LRP1B: variants seen among roughly 807,000 people sequenced by gnomAD.
LRP1B encodes low-density lipoprotein receptor-related protein 1B.
Under a neutral mutation model 556.6 loss-of-function variants are expected in LRP1B, and 217 were observed. The observed-to-expected ratio is 0.39, with a 90% CI of 0.35 to 0.44. The LOEUF is 0.44. Ranked by LOEUF, LRP1B falls within the 20% of genes least tolerant of loss-of-function variation. The pLI is 1.00. For synonymous variants in LRP1B, 2,047 were observed against 1,865.8 expected (o/e 1.10, Z -2.50); for missense variants, 5,053 against 5,620.8 (o/e 0.90, Z 3.23).
chr2:141,381,652 A>G (rs1227410524), intron 3 of LRP1B, among the ~76,000 whole-genome samples: 3 of 152,118 alleles, frequency 2.0e-5, no homozygotes, highest in Non-Finnish European at 4.4e-5. Flanking sequence ...GTGAAGAGTG[A>G]TTTACATACA....
chr2:141,244,662 A>T (rs944750348), intron 5 of LRP1B, among the ~76,000 whole-genome samples: 4 of 152,186 alleles, frequency 2.6e-5, no homozygotes, highest in African/African-American at 9.7e-5. Flanking sequence ...AGCCAAAAGT[A>T]TCCTCTGGTT....
chr2:140,702,456 A>G lies in LRP1B; in HGVS notation c.6121T>C (p.Trp2041Arg), dbSNP rs2105430264. 2 of 1,613,624 alleles carry G rather than the reference A, an allele frequency of 1.2e-6. No individual in the cohort carries two copies. The highest frequency in any genetic ancestry group is 1.7e-6 in the Non-Finnish European group (2 of 1,179,714). The change falls in exon 38 of 91, where the codon TGG (tryptophan) becomes CGG (arginine). Residue 2041 changes from tryptophan (W) to arginine (R), a missense_variant. Coordinates refer to ENST00000389484, the MANE Select transcript of LRP1B (RefSeq NM_018557.3). ...KVVLVSMGIA[W>R]PNGISIDYEE... Reference sequence around the variant, plus strand: ...TAGTCGATGGAGATGCCATTCGGCCATGCTATTCCCATGCTTACAAGGACA... The same window carrying G: ...TAGTCGATGGAGATGCCATTCGGCCGTGCTATTCCCATGCTTACAAGGACA...
At chr2:141,805,198 T>G (rs1017132716) in intron 2 of LRP1B, among the ~76,000 whole-genome samples, 13 of 152,098 alleles carry the variant, frequency 8.5e-5, no homozygotes, top group Non-Finnish European at 1.9e-4. Context: ...TTCCCTTTAC[T>G]CTTTTCCTTC....
chr2:141,663,064 G>A (rs906219681), intron 2 of LRP1B, among the ~76,000 whole-genome samples: 1 of 152,140 alleles, frequency 6.6e-6, no homozygotes, highest in African/African-American at 2.4e-5. Context: ...CATGGAAATT[G>A]AACAACCTGC....
At chr2:141,937,356 G>C (rs903122883) in intron 1 of LRP1B, among the ~76,000 whole-genome samples, 1 of 151,824 alleles carries the variant, frequency 6.6e-6, no homozygotes, top group Admixed American at 6.6e-5. Flanking sequence ...CTGCACTCCA[G>C]CCTGGGCGAC....
chr2:141,732,493 C>G (rs1693311712), intron 2 of LRP1B, among the ~76,000 whole-genome samples: 1 of 152,116 alleles, frequency 6.6e-6, no homozygotes, highest in Admixed American at 6.6e-5. Flanking sequence ...AACCCTTCGT[C>G]TTTCTGTAGG....
At chr2:140,281,070 G>A (rs1400192774) in intron 84 of LRP1B, among the ~76,000 whole-genome samples, 1 of 151,812 alleles carries the variant, frequency 6.6e-6, no homozygotes, top group Non-Finnish European at 1.5e-5. Context: ...TGCCACAGAA[G>A]TAAAGTAATT....
chr2:141,637,077 CT>C (rs1041473625), intron 2 of LRP1B, among the ~76,000 whole-genome samples: 3 of 151,970 alleles, frequency 2.0e-5, no homozygotes, highest in African/African-American at 4.8e-5. Flanking sequence ...GTAAACACGT[CT>C]TTTTTTAAGG....
chr2:140,883,753 C>T (rs1367649406), intron 25 of LRP1B, 64 bp downstream of exon 25: 3 of 1,216,918 alleles, frequency 2.5e-6, no homozygotes, highest in African/African-American at 1.6e-5. Context: ...TAATTAAATT[C>T]AATGTTAAAT....
At chr2:140,672,583 G>T (rs12691554) in intron 41 of LRP1B, among the ~76,000 whole-genome samples, 110,286 of 151,456 alleles carry the variant, frequency 0.73, 42,335 homozygotes, top group Non-Finnish European at 0.86. Flanking sequence ...AAAATTCTCT[G>T]TGGCTCAAAT....
chr2:140,703,963 C>T (rs2105434580), intron 37 of LRP1B, among the ~76,000 whole-genome samples: 1 of 152,270 alleles, frequency 6.6e-6, no homozygotes, highest in Non-Finnish European at 1.5e-5. Context: ...GGGTGATGGA[C>T]ATATGAGTGC....
chr2:141,303,838 T>C (rs1686485460), intron 3 of LRP1B, among the ~76,000 whole-genome samples: 1 of 152,162 alleles, frequency 6.6e-6, no homozygotes, highest in Admixed American at 6.5e-5. Flanking sequence ...CAAATCTCCA[T>C]ACTGTTTTCC....
intron 3 of LRP1B, among the ~76,000 whole-genome samples, chr2:141,273,583 A>G (rs558397487): frequency 6.6e-6 from 1 of 152,316 alleles, no homozygotes; most frequent in South Asian, 2.1e-4. Context: ...TTAACTCAGA[A>G]TGGACTGCTG....
intron 2 of LRP1B, among the ~76,000 whole-genome samples, chr2:141,519,360 GATATATATATATATAT>G (rs60473210): frequency 7.3e-4 from 50 of 68,318 alleles, no homozygotes; most frequent in African/African-American, 1.5e-3. Flanking sequence ...TTAAGTCAAT[GATATATATATATATAT>G]ATATATATAT....
At chr2:141,782,533 T>TTTTTG (rs1695289033) in intron 2 of LRP1B, among the ~76,000 whole-genome samples, 1 of 144,704 alleles carries the variant, frequency 6.9e-6, no homozygotes, top group African/African-American at 2.6e-5. Context: ...TTTTTTTTTT[T>TTTTTG]GGTAGCATAA....
At chr2:141,268,362 G>A (rs1320195488) in intron 3 of LRP1B, among the ~76,000 whole-genome samples, 1 of 152,158 alleles carries the variant, frequency 6.6e-6, no homozygotes, top group Non-Finnish European at 1.5e-5. Flanking sequence ...AGCTAACTTA[G>A]CTACTTAGCT....
At chr2:141,052,476 C>T (rs562680981) in intron 10 of LRP1B, among the ~76,000 whole-genome samples, 4 of 152,016 alleles carry the variant, frequency 2.6e-5, no homozygotes, top group South Asian at 4.1e-4. Flanking sequence ...ATAATATAGT[C>T]GGCTGCTTAC....
chr2:141,822,120 C>CAGAGAGAG (rs1452163408), intron 1 of LRP1B, among the ~76,000 whole-genome samples: 11 of 103,344 alleles, frequency 1.1e-4, no homozygotes, highest in African/African-American at 4.2e-4. Flanking sequence ...CACACACACA[C>CAGAGAGAG]ACACACACAC....
intron 2 of LRP1B, among the ~76,000 whole-genome samples, chr2:141,563,214 G>A (rs754945742): frequency 6.6e-6 from 1 of 151,994 alleles, no homozygotes; most frequent in Admixed American, 6.6e-5. Context: ...ACACATTGTG[G>A]TTAAACTACG....
Sources: allele counts gnomAD v4.1 joint callset (sites outside exome capture counted in the v4.1 genomes callset), GRCh38; gene constraint gnomAD v4.1.1; transcripts MANE v1.5; gene names NCBI Gene and HGNC (gene_info 2026-07-23, HGNC 2026-07-21).